Variants in RELN observed in about 807,000 individuals in gnomAD.
The protein encoded by RELN is reelin.
A neutral mutation model predicts 427.6 loss-of-function variants in RELN; 108 were observed. The observed-to-expected ratio is 0.25, with a 90% CI of 0.22 to 0.30. The LOEUF is 0.30. Ranked by LOEUF, RELN falls within the 10% of genes least tolerant of loss-of-function variation. The pLI is 1.00. For synonymous variants in RELN, 1,524 were observed against 1,513.4 expected (o/e 1.01, Z -0.16); for missense variants, 3,715 against 4,302.8 (o/e 0.86, Z 3.82).
intron 3 of RELN, among the ~76,000 whole-genome samples, chr7:103,789,966 A>C (rs1792117979): frequency 6.6e-6 from 1 of 152,254 alleles, no homozygotes. Flanking sequence ...TGGATAAAGA[A>C]AATGTGGGAC....
chr7:103,492,461 G>C (rs963129883), intron 57 of RELN, among the ~76,000 whole-genome samples: 7 of 152,182 alleles, frequency 4.6e-5, no homozygotes, highest in Non-Finnish European at 1.0e-4. Context: ...ATTCGTTCTT[G>C]GGGTTTTCTG....
At chr7:103,602,026 G>C (rs144151272) in intron 24 of RELN, among the ~76,000 whole-genome samples, 1 of 152,190 alleles carries the variant, frequency 6.6e-6, no homozygotes, top group East Asian at 1.9e-4. Flanking sequence ...CCAGACAGCT[G>C]GTCAGTTCTC....
chr7:103,553,660 G>C lies in RELN; in HGVS notation c.5969C>G (p.Pro1990Arg), dbSNP rs149473868. 3 of 1,613,554 alleles carry C rather than the reference G, an allele frequency of 1.9e-6. No homozygotes were observed. The highest frequency in any genetic ancestry group is 2.5e-6 in the Non-Finnish European group (3 of 1,179,810). The change falls in exon 39 of 65, where the codon CCT becomes CGT. Residue 1990 changes from proline (P) to arginine (R), a missense_variant and splice_region_variant. Around this residue, in one of 4 missense-constraint regions of RELN, gnomAD observed 1,310 missense variants for 1,643.0 expected, o/e 0.80. Transcript: ENST00000428762. ...LYCPYSSKGA[P>R]EEDSAMVFVS... ...TTATTTTTAGATTCTTAATACTTAC[G>C]GTGCCCCCTTTGAAGAATATGGACA...
intron 10 of RELN, among the ~76,000 whole-genome samples, chr7:103,697,243 T>C (rs555766689): frequency 6.6e-6 from 1 of 152,246 alleles, no homozygotes; most frequent in South Asian, 2.1e-4. Context: ...GCCATTGTAT[T>C]GGAGTTAGGA....
chr7:103,858,690 A>T (rs1391189979), intron 2 of RELN, among the ~76,000 whole-genome samples: 1 of 152,158 alleles, frequency 6.6e-6, no homozygotes, highest in Non-Finnish European at 1.5e-5. Flanking sequence ...TTTACTGTAC[A>T]TCCCTATTTC....
chr7:103,519,010 GTTTCCAT>G (rs1388874856), intron 49 of RELN, among the ~76,000 whole-genome samples: 1 of 151,930 alleles, frequency 6.6e-6, no homozygotes, highest in East Asian at 1.9e-4. Flanking sequence ...TTATTTTTCT[GTTTCCAT>G]TTTCCCAAAG....
intron 1 of RELN, among the ~76,000 whole-genome samples, chr7:103,917,850 C>T (rs1030616831): frequency 6.6e-6 from 1 of 152,040 alleles, no homozygotes; most frequent in Admixed American, 6.6e-5. Context: ...TAAATATATA[C>T]GTATGCTACT....
chr7:103,766,359 A>G (rs917616958), intron 4 of RELN, among the ~76,000 whole-genome samples: 3 of 152,236 alleles, frequency 2.0e-5, no homozygotes, highest in Non-Finnish European at 2.9e-5. Flanking sequence ...CTTTTCAACA[A>G]TTAAAGTAGA....
At chr7:103,887,327 C>T (rs1411369755) in intron 2 of RELN, among the ~76,000 whole-genome samples, 1 of 152,132 alleles carries the variant, frequency 6.6e-6, no homozygotes, top group Non-Finnish European at 1.5e-5. Context: ...AGGAGGGTCT[C>T]GGTTCATAGG....
intron 6 of RELN, among the ~76,000 whole-genome samples, chr7:103,738,984 C>T (rs1790568991): frequency 1.3e-5 from 2 of 152,034 alleles, no homozygotes; most frequent in African/African-American, 4.8e-5. Context: ...CCTGGCCTGG[C>T]ATCTTTTCAT....
chr7:103,825,031 A>G (rs779901389), intron 3 of RELN, among the ~76,000 whole-genome samples: 1 of 152,064 alleles, frequency 6.6e-6, no homozygotes, highest in Non-Finnish European at 1.5e-5. Context: ...TGCCTGGTAC[A>G]CCAGTACTCA....
At chr7:103,543,004 A>G in intron 42 of RELN, 126 bp from the exon 43 acceptor site, 4 of 998,884 alleles carry the variant, frequency 4.0e-6, no homozygotes, top group South Asian at 2.8e-5. Flanking sequence ...TATTAAAGTC[A>G]TGTTTTAGGA....
intron 1 of RELN, among the ~76,000 whole-genome samples, chr7:103,926,627 GTTTTTTTT>G (rs60259062): frequency 2.9e-4 from 29 of 99,460 alleles, no homozygotes; most frequent in Admixed American, 1.5e-3. Context: ...AGTATCATAA[GTTTTTTTT>G]TTTTTTTTTT....
intron 11 of RELN, among the ~76,000 whole-genome samples, chr7:103,672,779 G>A (rs1833422272): frequency 6.6e-6 from 1 of 151,734 alleles, no homozygotes; most frequent in South Asian, 2.1e-4. Flanking sequence ...GCACCACTTT[G>A]GCCATATCAT....
intron 6 of RELN, among the ~76,000 whole-genome samples, chr7:103,728,896 T>C (rs1489427229): frequency 6.6e-6 from 1 of 152,124 alleles, no homozygotes; most frequent in Non-Finnish European, 1.5e-5. Flanking sequence ...TACTGAGCTA[T>C]TATGCTAACC....
At chr7:103,501,315 G>A (rs1222806783) in intron 52 of RELN, among the ~76,000 whole-genome samples, 1 of 152,144 alleles carries the variant, frequency 6.6e-6, no homozygotes. Flanking sequence ...GGTGAGTGAC[G>A]CCTTTGACAA....
intron 46 of RELN, among the ~76,000 whole-genome samples, chr7:103,531,960 GA>G (rs1310874476): frequency 6.6e-6 from 1 of 152,048 alleles, no homozygotes; most frequent in East Asian, 1.9e-4. Flanking sequence ...ATACCCAAAG[GA>G]ACATAAATCT....
At chr7:103,930,702 A>T (rs892591453) in intron 1 of RELN, among the ~76,000 whole-genome samples, 1 of 152,118 alleles carries the variant, frequency 6.6e-6, no homozygotes, top group Non-Finnish European at 1.5e-5. Flanking sequence ...CCTGGGCTCA[A>T]GCGATCCTCC....
chr7:103,568,132 G>T (rs1830802482), intron 31 of RELN, among the ~76,000 whole-genome samples: 1 of 151,908 alleles, frequency 6.6e-6, no homozygotes, highest in Admixed American at 6.6e-5. Flanking sequence ...AATTTTTTTT[G>T]CTATACACAA....
Sources: gnomAD v4.1 joint callset for allele counts (sites outside exome capture counted in the v4.1 genomes callset) on GRCh38, gnomAD v4.1.1 for gene constraint, gnomAD v4.1.1 regional missense constraint, MANE v1.5 for transcripts, NCBI Gene and HGNC (gene_info 2026-07-23, HGNC 2026-07-21) for gene names.